Variants in MAN1C1 observed in about 807,000 individuals in gnomAD.
MAN1C1 encodes the protein mannosyl-oligosaccharide 1,2-alpha-mannosidase IC.
In MAN1C1, 49 loss-of-function variants were observed where a neutral mutation model predicts 71.5. The ratio of observed to expected loss-of-function variants is 0.69; its 90% CI spans 0.54 to 0.87. The LOEUF (loss-of-function observed/expected upper bound fraction) is 0.87. Among genes scored for constraint, MAN1C1 ranks in the 40% least tolerant of loss-of-function variants. The probability of loss-of-function intolerance (pLI) is 0.00; values close to 1 mark genes in which losing one functional copy is unlikely to be tolerated. For synonymous variants in MAN1C1, 352 were observed against 343.7 expected, an observed-to-expected ratio of 1.02 and a Z score of -0.27; for missense variants, 743 against 835.0, an observed-to-expected ratio of 0.89 and a Z score of 1.36.
chr1:25,670,091 G>A (rs1431035540), intron 1 of MAN1C1, among the ~76,000 whole-genome samples: 1 of 152,236 alleles, frequency 6.6e-6, no homozygotes, highest in Non-Finnish European at 1.5e-5. Flanking sequence ...TGGAAAACAA[G>A]ACTCCTGCCC....
chr1:25,703,101 A>T (rs2046468635), intron 2 of MAN1C1, among the ~76,000 whole-genome samples: 1 of 152,216 alleles, frequency 6.6e-6, no homozygotes, highest in Non-Finnish European at 1.5e-5. Flanking sequence ...ATCTCTGTTG[A>T]TGGTTCTGAT....
intron 1 of MAN1C1, among the ~76,000 whole-genome samples, chr1:25,678,892 T>C (rs912706171): frequency 6.6e-6 from 1 of 152,188 alleles, no homozygotes; most frequent in Non-Finnish European, 1.5e-5. Context: ...ATGGTGGTTG[T>C]TAAATAATGG....
At chr1:25,781,316 GC>G (rs2047691600) in intron 10 of MAN1C1, 1 of 584,948 alleles carries the variant, frequency 1.7e-6, no homozygotes, top group Non-Finnish European at 3.0e-6. Flanking sequence ...GACAGGACAG[GC>G]CAGACTTGTG....
In MAN1C1 at chr1:25,778,011, A is replaced by T; in HGVS notation, c.1258-94A>T. ...AGGGCTTGGCAGAGCTGCCCTTGCT[A>T]CTGTCTCCAAAATGTTCATTTTCCA... On this transcript the variant is annotated intron_variant, in intron 8 of 11. Coordinates refer to ENST00000374332, the MANE Select transcript of MAN1C1 (RefSeq NM_020379.4). This position sits in a 1 kb window ranked among gnomAD's most constrained non-coding sequence, Gnocchi z 5.5. 1.0e-6 allele frequency: 1 copy of T among 964,726 alleles called. No individual in the cohort carries two copies. The highest frequency in any genetic ancestry group is 1.5e-6 in the Non-Finnish European group (1 of 657,476). 59.8% of individuals were successfully genotyped at this position (964,726 alleles called of 1,614,324 possible).
chr1:25,697,726 G>A (rs981702378), intron 2 of MAN1C1, among the ~76,000 whole-genome samples: 2 of 152,308 alleles, frequency 1.3e-5, no homozygotes, highest in East Asian at 1.9e-4. Flanking sequence ...ATGAGGAGTC[G>A]TTTATGTTGG....
At chr1:25,755,070 C>T (rs1344169825) in intron 5 of MAN1C1, among the ~76,000 whole-genome samples, 1 of 152,118 alleles carries the variant, frequency 6.6e-6, no homozygotes, top group South Asian at 2.1e-4. Flanking sequence ...CGGCAGGGCT[C>T]GCTGTGGGCA....
chr1:25,734,778 G>T (rs566141439), intron 2 of MAN1C1, among the ~76,000 whole-genome samples: 16 of 152,292 alleles, frequency 1.1e-4, no homozygotes, highest in African/African-American at 3.9e-4. Flanking sequence ...AAATCAACCA[G>T]GCTTAGATCT....
Position 25,730,033 on chromosome 1 carries a change from A to G in MAN1C1, c.638-16635A>G, listed in dbSNP as rs2046888494. On this transcript the variant is annotated intron_variant, in intron 2 of 11. Coordinates refer to ENST00000374332, the MANE Select transcript of MAN1C1 (RefSeq NM_020379.4). This position sits in a 1 kb window ranked among gnomAD's most constrained non-coding sequence, Gnocchi z 4.3. ...TGGGAAATTGCTTACTGTCTTTCTG[A>G]GAAAGCAGCTGCAGCCTCCGTAAGG... Among the ~76,000 whole-genome samples the G allele has an allele frequency of 6.6e-6, 1 of 152,186 alleles. No homozygotes were observed. Among genetic ancestry groups the G allele is most frequent in the Non-Finnish European group, 1.5e-5 (1 of 68,040 alleles).
intron 7 of MAN1C1, among the ~76,000 whole-genome samples, chr1:25,767,801 TC>T (rs2047463091): frequency 1.0e-5 from 1 of 98,148 alleles, no homozygotes. Context: ...CATTACACAC[TC>T]CCCTCACGTA....
intron 2 of MAN1C1, among the ~76,000 whole-genome samples, chr1:25,698,562 A>G (rs2124209781): frequency 6.6e-6 from 1 of 152,308 alleles, no homozygotes; most frequent in South Asian, 2.1e-4. Flanking sequence ...AGACGCATGA[A>G]TCATACTTCC....
chr1:25,763,986 C>T lies in MAN1C1; in HGVS notation c.1141+19C>T. On this transcript the variant is annotated intron_variant, in intron 7 of 11. Coordinates refer to ENST00000374332, the MANE Select transcript of MAN1C1 (RefSeq NM_020379.4). ...GTGCAACGTGAGTACAGAGACGCCA[C>T]TGCCCCTTATTCAGCGGGTTCCTGC... The T allele has an allele frequency of 6.3e-7, 1 of 1,598,802 alleles. No individual in the cohort carries two copies. The highest frequency in any genetic ancestry group is 8.6e-7 in the Non-Finnish European group (1 of 1,166,490).
At chr1:25,650,005 C>T (rs2045669386) in intron 1 of MAN1C1, among the ~76,000 whole-genome samples, 1 of 152,122 alleles carries the variant, frequency 6.6e-6, no homozygotes, top group African/African-American at 2.4e-5. Flanking sequence ...TACTGGCTCC[C>T]GAGAAGACCT....
At chr1:25,633,549 T>C (rs1412854194) in intron 1 of MAN1C1, among the ~76,000 whole-genome samples, 1 of 148,060 alleles carries the variant, frequency 6.8e-6, no homozygotes, top group Non-Finnish European at 1.5e-5. Context: ...TTTTTTTTTT[T>C]CACTGTTGTT....
At chr1:25,627,980 G>C (rs2045323962) in intron 1 of MAN1C1, among the ~76,000 whole-genome samples, 2 of 152,268 alleles carry the variant, frequency 1.3e-5, no homozygotes, top group South Asian at 4.1e-4. Context: ...CCAGGAGGTT[G>C]AGTCTGCAGT....
chr1:25,769,960 C>CTTGTGAGAAT lies in MAN1C1; in HGVS notation c.1142-1697_1142-1696insTTGTGAGAAT, dbSNP rs2047525293. On this transcript the variant is annotated intron_variant, in intron 7 of 11. Coordinates refer to ENST00000374332, the MANE Select transcript of MAN1C1 (RefSeq NM_020379.4). The surrounding 1 kb of genome is among the most constrained non-coding windows in gnomAD (Gnocchi z 4.8). ...GCTTGTGAGAATGCCTGAGCCCCCG[C>CTTGTGAGAAT]GTGGGGAATGAGGTGGGGAGGGTGC... Among the ~76,000 whole-genome samples, 1 of 152,114 alleles carries CTTGTGAGAAT rather than the reference C, an allele frequency of 6.6e-6. No individual in the cohort carries two copies. The highest frequency in any genetic ancestry group is 2.4e-5 in the African/African-American group (1 of 41,430).
intron 1 of MAN1C1, among the ~76,000 whole-genome samples, chr1:25,676,453 C>G (rs1205990470): frequency 6.6e-6 from 1 of 152,088 alleles, no homozygotes; most frequent in Non-Finnish European, 1.5e-5. Flanking sequence ...GTTGTGTTGC[C>G]CCAATAAATG....
At chr1:25,758,811 G>A (rs1280004119) in intron 6 of MAN1C1, 102 bp downstream of exon 6, 1 of 1,045,208 alleles carries the variant, frequency 9.6e-7, no homozygotes, top group African/African-American at 1.6e-5. Context: ...TGGATCAGCA[G>A]GAGGGCAGTG....
At chr1:25,663,719 C>T (rs368642149) in intron 1 of MAN1C1, among the ~76,000 whole-genome samples, 16 of 152,182 alleles carry the variant, frequency 1.1e-4, no homozygotes, top group African/African-American at 3.9e-4. Flanking sequence ...TTGCCATGGC[C>T]TACATAGAGC....
chr1:25,737,824 G>A (rs2047003741), intron 2 of MAN1C1, among the ~76,000 whole-genome samples: 1 of 152,128 alleles, frequency 6.6e-6, no homozygotes, highest in Non-Finnish European at 1.5e-5. Flanking sequence ...AGCCATCTCT[G>A]CAAAGGAAGG....
Sources: gnomAD v4.1 joint callset for allele counts (sites outside exome capture counted in the v4.1 genomes callset) on GRCh38, gnomAD v4.1.1 for gene constraint, Gnocchi (gnomAD v3.1) non-coding constraint, MANE v1.5 for transcripts, NCBI Gene and HGNC (gene_info 2026-07-23, HGNC 2026-07-21) for gene names.